RAB26: variants seen among roughly 807,000 people sequenced by gnomAD.
The protein encoded by RAB26 is ras-related protein Rab-26.
A neutral mutation model predicts 33.1 loss-of-function variants in RAB26; 39 were observed. The observed-to-expected ratio is 1.18, with a 90% CI of 0.91 to 1.54. RAB26 has a LOEUF of 1.54. RAB26 is among the 40% of genes most tolerant of loss of function. RAB26 has a pLI of 0.00. For missense variants in RAB26, 468 were observed against 362.9 expected (o/e 1.29, Z -2.35); for synonymous variants, 192 against 151.9 (o/e 1.26, Z -1.94).
intron 6 of RAB26, 44 bp from the exon 7 acceptor site, chr16:2,152,944 GC>G (rs752570114): frequency 3.2e-5 from 50 of 1,584,304 alleles, no homozygotes; most frequent in Non-Finnish European, 4.0e-5. Context: ...GGGGGCAGGG[GC>G]CAACCATGGG....
In RAB26 at chr16:2,153,393, G is replaced by T; in HGVS notation, c.743G>T (p.Gly248Val). 1 of 1,611,936 alleles carries T rather than the reference G, an allele frequency of 6.2e-7. No individual in the cohort carries two copies. Among genetic ancestry groups the T allele is most frequent in the East Asian group, 2.2e-5 (1 of 44,870 alleles). ...FRLHDYVKRE[G>V]RGASCCRP ...CTGCATGATTACGTTAAGAGGGAGGGTCGAGGGGCCTCCTGCTGCCGCCCT... is the reference window on the plus strand; with the variant it reads ...CTGCATGATTACGTTAAGAGGGAGGTTCGAGGGGCCTCCTGCTGCCGCCCT... Residue 248 changes from glycine to valine, a missense_variant, in exon 9 of 9, where the codon GGT (glycine) becomes GTT (valine). Transcript: ENST00000210187.
At chr16:2,152,763 C>T (rs1020939303) in intron 5 of RAB26, 57 bp from the exon 6 acceptor site, 55 of 1,438,204 alleles carry the variant, frequency 3.8e-5, no homozygotes, top group Non-Finnish European at 3.8e-5. Flanking sequence ...GGCCAAAGTT[C>T]TGGGGCATGG....
At position 2,151,852 on chromosome 16, in the gene RAB26, C is replaced by T. The variant is rs764096171; in HGVS notation, c.416-4C>T. 6.2e-7 allele frequency: 1 copy of T among 1,614,140 alleles called. No individual in the cohort carries two copies. Among genetic ancestry groups the T allele is most frequent in the East Asian group, 2.2e-5 (1 of 44,882 alleles). On this transcript the variant is annotated splice_polypyrimidine_tract_variant and splice_region_variant and intron_variant, in intron 4 of 8. Coordinates refer to ENST00000210187, the MANE Select transcript of RAB26 (RefSeq NM_014353.5). ...TGGATGTCCTCACTGCCCTCTGTCC[C>T]CAGCTCTGCTGCTGCTCTACGATGT... is the stretch of plus-strand genomic sequence containing the variant.
In RAB26 at chr16:2,154,081, G is replaced by A. The variant is rs1048667470; in HGVS notation, c.*660G>A. 3.0e-6 allele frequency: 1 copy of A among 328,662 alleles called. No individual in the cohort carries two copies. Among genetic ancestry groups the A allele is most frequent in the Admixed American group, 4.2e-5 (1 of 23,796 alleles). The allele number at this position is 328,662 out of a possible 1,614,324, so 20.4% of individuals were successfully genotyped here. A position where few individuals can be genotyped will look rare whatever the true frequency, so the allele number is the denominator to read the frequency against. ...CACGCTCCACCTTGCACTCAACTTG[G>A]CCTTTTGATTGCACAAGCCTTTGTT... On this transcript the variant is annotated 3_prime_UTR_variant, in exon 9 of 9. Coordinates refer to ENST00000210187, the MANE Select transcript of RAB26 (RefSeq NM_014353.5).
Position 2,153,410 on chromosome 16 carries a change from T to G in RAB26, c.760T>G (p.Cys254Gly). The G allele has an allele frequency of 6.2e-7, 1 of 1,613,386 alleles. No homozygotes were observed. Among genetic ancestry groups the G allele is most frequent in the South Asian group, 1.1e-5 (1 of 91,082 alleles). Reference sequence around the variant, plus strand: ...GAGGGAGGGTCGAGGGGCCTCCTGCTGCCGCCCTTGAACCTGGCTGAGCTC... The same window carrying G: ...GAGGGAGGGTCGAGGGGCCTCCTGCGGCCGCCCTTGAACCTGGCTGAGCTC... Reference protein sequence around the residue: ...VKREGRGASCCRP With the variant: ...VKREGRGASCGRP The change falls in exon 9 of 9, where the codon TGC becomes GGC. Residue 254 changes from cysteine (C) to glycine (G), a missense_variant. Coordinates refer to ENST00000210187, the MANE Select transcript of RAB26 (RefSeq NM_014353.5).
At chr16:2,152,714 AAAG>A in intron 5 of RAB26, 103 bp from the exon 6 acceptor site, 2 of 820,042 alleles carry the variant, frequency 2.4e-6, no homozygotes, top group Non-Finnish European at 3.6e-6. Context: ...AAAAAAAAAA[AAAG>A]ATAAAGACAG....
chr16:2,148,792 G>A lies in RAB26; in HGVS notation c.9G>A (p.Arg3=), dbSNP rs2092994660. 2.9e-6 allele frequency: 4 copies of A among 1,364,492 alleles called. No homozygotes were observed. In the South Asian group the frequency reaches 7.6e-5, roughly 26 times the overall value. The allele number at this position is 1,364,492 out of a possible 1,614,324, so 84.5% of individuals were successfully genotyped here. ...CTGAGCGCCCGCCCGCCATGTCCAGGAAGAAGACCCCCAAGAGCAAAGGGG... is the reference window on the plus strand; with the variant it reads ...CTGAGCGCCCGCCCGCCATGTCCAGAAAGAAGACCCCCAAGAGCAAAGGGG... MS[R]KKTPKSKGAS... The change falls in exon 1 of 9, where the codon AGG becomes AGA. Residue 3 remains arginine, a synonymous_variant. Coordinates refer to ENST00000210187, the MANE Select transcript of RAB26 (RefSeq NM_014353.5).
Position 2,148,897 on chromosome 16 carries a change from CG to C in RAB26, c.115del (p.Asp39ThrfsTer59). 1 of 1,347,298 alleles carries C rather than the reference CG, an allele frequency of 7.4e-7. No individual in the cohort carries two copies. The highest frequency in any genetic ancestry group is 9.6e-7 in the Non-Finnish European group (1 of 1,046,730). 83.5% of individuals were successfully genotyped at this position (1,347,298 alleles called of 1,614,324 possible). A position where few individuals can be genotyped will look rare whatever the true frequency, so the allele number is the denominator to read the frequency against. On this transcript the variant is annotated frameshift_variant, in exon 1 of 9. Transcript: ENST00000210187. LOFTEE classifies it high-confidence loss of function. ...GCTCCGGGACTGCGCTTTCCGGCCCCGACGCGCCGCCCAACGGGCCCTTGCA... is the reference window on the plus strand; with the variant it reads ...GCTCCGGGACTGCGCTTTCCGGCCCCACGCGCCGCCCAACGGGCCCTTGCA... The part of the protein sequence containing the change: ...ARSGTALSGP[D>X]APPNGPLQPG...
intron 1 of RAB26, among the ~76,000 whole-genome samples, 155 bp downstream of exon 1, chr16:2,149,133 C>T (rs1172623532): frequency 1.3e-5 from 2 of 152,118 alleles, no homozygotes; most frequent in East Asian, 3.9e-4. Flanking sequence ...GCATCGTGCA[C>T]ACACAGCTGT....
At chr16:2,151,947 G>C (rs761812306) in intron 5 of RAB26, 39 bp downstream of exon 5, 1 of 1,611,910 alleles carries the variant, frequency 6.2e-7, no homozygotes, top group African/African-American at 1.3e-5. Flanking sequence ...GGCCCTGATA[G>C]GGCCTGACCC....
At position 2,152,020 on chromosome 16, in the gene RAB26, G is replaced by A. The variant is rs1188734700; in HGVS notation, c.468+112G>A. ...AAAGGACCCCGCTGAGAGAGGGGAGGGGGAAATGACAGCCTTCTGGGCTGG... is the reference window on the plus strand; with the variant it reads ...AAAGGACCCCGCTGAGAGAGGGGAGAGGGAAATGACAGCCTTCTGGGCTGG... On this transcript the variant is annotated intron_variant, in intron 5 of 8. Transcript: ENST00000210187. 26 of 1,427,526 alleles carry A rather than the reference G, an allele frequency of 1.8e-5. No homozygotes were observed. The East Asian group carries it at 5.4e-4, about 29-fold the overall frequency. The allele number at this position is 1,427,526 out of a possible 1,614,324, so 88.4% of individuals were successfully genotyped here. A position where few individuals can be genotyped will look rare whatever the true frequency, so the allele number is the denominator to read the frequency against.
intron 5 of RAB26, 40 bp downstream of exon 5, chr16:2,151,948 G>A (rs772041460): frequency 1.2e-6 from 2 of 1,611,936 alleles, no homozygotes; most frequent in Non-Finnish European, 8.5e-7. Context: ...GCCCTGATAG[G>A]GCCTGACCCA....
At position 2,151,599 on chromosome 16, in the gene RAB26, G is replaced by A. The variant is rs762196672; in HGVS notation, c.337G>A (p.Val113Met). Residue 113 changes from valine (V) to methionine (M), a missense_variant, in exon 3 of 9, where the codon GTG (valine) becomes ATG (methionine). By Grantham distance (21) the Val-to-Met change is conservative. Coordinates refer to ENST00000210187, the MANE Select transcript of RAB26 (RefSeq NM_014353.5). The stretch of plus-strand genomic sequence containing the variant: ...AGTTCTGGACGTGGATGGTGTGAAG[G>A]TGAAGCTGCAGGTAAGGTGACTGGC... ...NKVLDVDGVKVKLQMWDTAGQ... is the reference protein window; with the variant it reads ...NKVLDVDGVKMKLQMWDTAGQ... The A allele has an allele frequency of 6.2e-7, 1 of 1,614,046 alleles. No homozygotes were observed. The highest frequency in any genetic ancestry group is 1.1e-5 in the South Asian group (1 of 91,088).
intron 5 of RAB26, 79 bp downstream of exon 5, chr16:2,151,987 A>G (rs1227335089): frequency 6.4e-7 from 1 of 1,559,576 alleles, no homozygotes; most frequent in Non-Finnish European, 8.8e-7. Flanking sequence ...AGATGGCATC[A>G]GGGTTCCAAA....
intron 1 of RAB26, among the ~76,000 whole-genome samples, chr16:2,149,441 G>A (rs1424462468): frequency 6.6e-6 from 1 of 151,910 alleles, no homozygotes; most frequent in Non-Finnish European, 1.5e-5. Context: ...GGTAGCACAG[G>A]TTTCGGGGAG....
chr16:2,152,712 A>G, intron 5 of RAB26, 108 bp from the exon 6 acceptor site: 1 of 821,910 alleles, frequency 1.2e-6, no homozygotes, highest in Non-Finnish European at 1.8e-6. Flanking sequence ...AAAAAAAAAA[A>G]AAAAGATAAA....
chr16:2,151,705 C>A lies in RAB26; in HGVS notation c.359C>A (p.Thr120Lys), dbSNP rs777589743. Residue 120 changes from threonine (T) to lysine (K), a missense_variant, in exon 4 of 9, where the codon ACA becomes AAA. Coordinates refer to ENST00000210187, the MANE Select transcript of RAB26 (RefSeq NM_014353.5). ...GVKVKLQMWD[T>K]AGQERFRSVT... ...TGCCTGTCGCTGCAGATGTGGGACACAGCTGGTCAGGAGCGGTTCCGCAGT... is the reference window on the plus strand; with the variant it reads ...TGCCTGTCGCTGCAGATGTGGGACAAAGCTGGTCAGGAGCGGTTCCGCAGT... 6.2e-7 allele frequency: 1 copy of A among 1,613,882 alleles called. No homozygotes were observed. Among genetic ancestry groups the A allele is most frequent in the African/African-American group, 1.3e-5 (1 of 74,950 alleles).
At chr16:2,152,736 T>C (rs2093009742) in intron 5 of RAB26, 84 bp from the exon 6 acceptor site, 1 of 708,330 alleles carries the variant, frequency 1.4e-6, no homozygotes, top group Non-Finnish European at 2.3e-6. Flanking sequence ...AGGTGCCCTC[T>C]ACAGTGTGAC....
chr16:2,149,730 GCTGA>G (rs1417173304), intron 1 of RAB26, among the ~76,000 whole-genome samples: 2 of 152,280 alleles, frequency 1.3e-5, no homozygotes, highest in East Asian at 3.9e-4. Flanking sequence ...CTCACTCCCC[GCTGA>G]CTGAGACGGC....
Sources: gnomAD v4.1 joint callset for allele counts (sites outside exome capture counted in the v4.1 genomes callset) on GRCh38, gnomAD v4.1.1 for gene constraint, MANE v1.5 for transcripts, NCBI Gene and HGNC (gene_info 2026-07-23, HGNC 2026-07-21) for gene names.